The following TRMU variants were observed in gnomAD, a reference collection of about 807,000 sequenced individuals.
TRMU encodes mitochondrial tRNA-specific 2-thiouridylase 1.
Under a neutral mutation model 46.9 loss-of-function variants are expected in TRMU, and 49 were observed. The ratio of observed to expected loss-of-function variants is 1.05; its 90% CI spans 0.83 to 1.33. The LOEUF is 1.33. Ranked by LOEUF, TRMU falls within the 40% of genes most tolerant of loss-of-function variation. The probability of loss-of-function intolerance (pLI) is 0.00; values close to 1 mark genes in which losing one functional copy is unlikely to be tolerated. For synonymous variants in TRMU, 241 were observed against 200.9 expected (o/e 1.20, Z -1.69); for missense variants, 572 against 532.4 (o/e 1.07, Z -0.73).
chr22:46,355,404 G>A, intron 8 of TRMU, 40 bp from the exon 9 acceptor site: 3 of 1,606,534 alleles, frequency 1.9e-6, no homozygotes, highest in Non-Finnish European at 2.5e-6. Flanking sequence ...TTGGGGCCAG[G>A]TGCCCCTCGG....
At chr22:46,352,097 A>G (rs767982330) in intron 5 of TRMU, 24 bp from the exon 6 acceptor site, 25 of 1,611,670 alleles carry the variant, frequency 1.6e-5, no homozygotes, top group African/African-American at 2.7e-5. Context: ...TGCTCCTCTC[A>G]CGGCTGCCGT....
chr22:46,350,595 G>A lies in TRMU; in HGVS notation c.651+132G>A. 1 of 1,151,320 alleles carries A rather than the reference G, an allele frequency of 8.7e-7. No homozygotes were observed. Among genetic ancestry groups the A allele is most frequent in the Non-Finnish European group, 1.3e-6 (1 of 784,512 alleles). 71.3% of individuals were successfully genotyped at this position (1,151,320 alleles called of 1,614,324 possible). On this transcript the variant is annotated intron_variant, in intron 5 of 10. Coordinates refer to ENST00000645190, the MANE Select transcript of TRMU (RefSeq NM_018006.5). The surrounding 1 kb of genome is among the most constrained non-coding windows in gnomAD (Gnocchi z 4.6). Reference sequence around the variant, plus strand: ...CCTAACATCAAAGGCGGGCCTTGGAGCAATAGATGGAGGAGTTTGCTGAGG... The same window carrying A: ...CCTAACATCAAAGGCGGGCCTTGGAACAATAGATGGAGGAGTTTGCTGAGG...
rs149815191 is a variant in TRMU at position 46,350,386 on chromosome 22, C to T, written c.574C>T (p.Leu192=). Residue 192 remains leucine (L), a synonymous_variant, in exon 5 of 11, where the codon CTG becomes TTG. Transcript: ENST00000645190. This position sits in a 1 kb window ranked among gnomAD's most constrained non-coding sequence, Gnocchi z 4.6. Reference sequence around the variant, plus strand: ...TGCCCTGAGGAGAACCATCTTCCCTCTGGGGGGATTAACGAAAGAGTTTGT... The same window carrying T: ...TGCCCTGAGGAGAACCATCTTCCCTTTGGGGGGATTAACGAAAGAGTTTGT... ...QDALRRTIFP[L]GGLTKEFVKK... 1.9e-6 allele frequency: 3 copies of T among 1,614,196 alleles called. No homozygotes were observed. The highest frequency in any genetic ancestry group is 1.6e-4 in the Middle Eastern group (1 of 6,062).
chr22:46,352,217 T>C, intron 6 of TRMU, 43 bp downstream of exon 6: 1 of 1,613,768 alleles, frequency 6.2e-7, no homozygotes, highest in Non-Finnish European at 8.5e-7. Context: ...GCTGCGTGTC[T>C]GCCCTGGGCC....
At chr22:46,353,132 A>G (rs566575702) in intron 7 of TRMU, 8 of 162,196 alleles carry the variant, frequency 4.9e-5, no homozygotes, top group African/African-American at 7.2e-5. Flanking sequence ...TGCTTGGGAC[A>G]GAACTGCCAG....
At position 46,356,014 on chromosome 22, in the gene TRMU, A is replaced by C. The variant is rs1319332206; in HGVS notation, c.1043A>C (p.Gln348Pro). The change falls in exon 10 of 11, where the codon CAA becomes CCA. Residue 348 changes from glutamine to proline, a missense_variant. Physicochemically the swap from Gln to Pro is moderately conservative, Grantham distance 76. Coordinates refer to ENST00000645190, the MANE Select transcript of TRMU (RefSeq NM_018006.5). ...GTGCCCTGTGTGCTGACCCTCAATC[A>C]AGATGGCACCGTGTGGGTGACAGCT... ...ALVPCVLTLN[Q>P]DGTVWVTAVQ... 1 of 1,613,696 alleles carries C rather than the reference A, an allele frequency of 6.2e-7. No homozygotes were observed. Among genetic ancestry groups the C allele is most frequent in the African/African-American group, 1.3e-5 (1 of 74,844 alleles).
At chr22:46,353,065 G>T (rs2078484038) in intron 7 of TRMU, 1 of 162,008 alleles carries the variant, frequency 6.2e-6, no homozygotes, top group African/African-American at 2.4e-5. Context: ...TTGTGGAGGG[G>T]AGACGGCAGG....
Position 46,350,406 on chromosome 22 carries a change from G to C in TRMU, c.594G>C (p.Glu198Asp). ...TCCCTCTGGGGGGATTAACGAAAGA[G>C]TTTGTAAAGAAAATCGCTGCTGAGA... Reference protein sequence around the residue: ...TIFPLGGLTKEFVKKIAAENR... With the variant: ...TIFPLGGLTKDFVKKIAAENR... Residue 198 changes from glutamate (E) to aspartate (D), a missense_variant, in exon 5 of 11, where the codon GAG becomes GAC. Glu to Asp is a conservative substitution (Grantham distance 45). Transcript: ENST00000645190. The surrounding 1 kb of genome is among the most constrained non-coding windows in gnomAD (Gnocchi z 4.6). 6.2e-7 allele frequency: 1 copy of C among 1,614,194 alleles called. No homozygotes were observed. The highest frequency in any genetic ancestry group is 8.5e-7 in the Non-Finnish European group (1 of 1,180,036).
intron 8 of TRMU, chr22:46,354,861 C>G (rs1193235510): frequency 6.3e-6 from 1 of 159,278 alleles, no homozygotes; most frequent in East Asian, 1.9e-4. Context: ...GGTGCCAGGT[C>G]TCAATGGCCC....
rs1411568749 is a variant in TRMU, at chr22:46,343,346, T to C, written c.333T>C (p.Phe111=). 1.2e-6 allele frequency: 2 copies of C among 1,614,004 alleles called. No individual in the cohort carries two copies. The highest frequency in any genetic ancestry group is 1.7e-6 in the Non-Finnish European group (2 of 1,179,878). ...AGCACATCAAATTTAGTTGCTTTTT[T>C]CATTATGCTGTGGATAATCTTGGTA... ...CNKHIKFSCF[F]HYAVDNLGAD... Residue 111 remains phenylalanine, a synonymous_variant, in exon 3 of 11, where the codon TTT becomes TTC. Coordinates refer to ENST00000645190, the MANE Select transcript of TRMU (RefSeq NM_018006.5).
At position 46,349,384 on chromosome 22, in the gene TRMU, G is replaced by A. The variant is rs1231078539; in HGVS notation, c.479-907G>A. Among the ~76,000 whole-genome samples the A allele has an allele frequency of 1.3e-5, 2 of 151,926 alleles. No individual in the cohort carries two copies. The highest frequency in any genetic ancestry group is 2.4e-5 in the African/African-American group (1 of 41,192). ...ACGTGGGGAGAATTCTCCCTCTCAC[G>A]GCTAACGTGGGAATCGGCAGATGGA... On this transcript the variant is annotated intron_variant, in intron 4 of 10. Transcript: ENST00000645190. This position sits in a 1 kb window ranked among gnomAD's most constrained non-coding sequence, Gnocchi z 4.6.
intron 5 of TRMU, 99 bp from the exon 6 acceptor site, chr22:46,352,022 G>A (rs913728672): frequency 2.2e-6 from 3 of 1,364,738 alleles, no homozygotes; most frequent in Non-Finnish European, 3.1e-6. Context: ...AAAGTGTGGG[G>A]TGAGGCCGGG....
chr22:46,346,502 A>T lies in TRMU; in HGVS notation c.436A>T (p.Lys146Ter). Residue 146 changes from lysine to a stop codon, truncating the protein, a stop_gained, in exon 4 of 11, where the codon AAG becomes TAG. Coordinates refer to ENST00000645190, the MANE Select transcript of TRMU (RefSeq NM_018006.5). LOFTEE classifies it high-confidence loss of function. ...AGTCTTTGAGCAGAAGCACGTTAAG[A>T]AGCCCGAAGGGCTTTTCAGAAATCG... The part of the protein sequence containing the change: ...EEVFEQKHVK[K>*]PEGLFRNRFE... 1 of 1,613,300 alleles carries T rather than the reference A, an allele frequency of 6.2e-7. No individual in the cohort carries two copies. The highest frequency in any genetic ancestry group is 8.5e-7 in the Non-Finnish European group (1 of 1,179,446).
chr22:46,340,892 G>A (rs539626919), intron 2 of TRMU, among the ~76,000 whole-genome samples: 1 of 152,352 alleles, frequency 6.6e-6, no homozygotes, highest in South Asian at 2.1e-4. Flanking sequence ...CCCCGAGGTC[G>A]CCCCTGGCTC....
chr22:46,344,849 G>C (rs983013514), intron 3 of TRMU, among the ~76,000 whole-genome samples: 1 of 152,158 alleles, frequency 6.6e-6, no homozygotes, highest in Non-Finnish European at 1.5e-5. Context: ...GTTTTCTCTA[G>C]GAGAACCTCA....
intron 2 of TRMU, among the ~76,000 whole-genome samples, chr22:46,341,737 T>C (rs775948618): frequency 3.3e-5 from 5 of 152,268 alleles, no homozygotes; most frequent in Non-Finnish European, 7.3e-5. Context: ...GCTGGTATCA[T>C]GGCATCTTTT....
At chr22:46,345,480 A>G (rs1281080459) in intron 3 of TRMU, among the ~76,000 whole-genome samples, 1 of 152,234 alleles carries the variant, frequency 6.6e-6, no homozygotes, top group Non-Finnish European at 1.5e-5. Context: ...GTGCTGGATG[A>G]TTCTTCACTC....
chr22:46,345,827 G>C (rs574717626), intron 3 of TRMU, among the ~76,000 whole-genome samples: 3 of 150,980 alleles, frequency 2.0e-5, no homozygotes, highest in African/African-American at 7.3e-5. Context: ...GAGTGCTGTG[G>C]TGCAGTCTTG....
Position 46,350,962 on chromosome 22 carries a change from C to T in TRMU, c.651+499C>T, listed in dbSNP as rs902686559. On this transcript the variant is annotated intron_variant, in intron 5 of 10. Transcript: ENST00000645190. This position sits in a 1 kb window ranked among gnomAD's most constrained non-coding sequence, Gnocchi z 4.6. ...GTTCCATCTTCGCCTCCATGGAGCC[C>T]GCCCGCGAGTGGGGGACACAGGCAG... Among the ~76,000 whole-genome samples the T allele has an allele frequency of 4.6e-5, 7 of 152,214 alleles. No homozygotes were observed. Among genetic ancestry groups the T allele is most frequent in the Admixed American group, 6.5e-5 (1 of 15,288 alleles).
Sources: allele counts gnomAD v4.1 joint callset (sites outside exome capture counted in the v4.1 genomes callset), GRCh38; gene constraint gnomAD v4.1.1; non-coding constraint Gnocchi (gnomAD v3.1); transcripts MANE v1.5; gene names NCBI Gene and HGNC (gene_info 2026-07-23, HGNC 2026-07-21).